TUSC3: variants seen among roughly 807,000 people sequenced by gnomAD.
TUSC3 encodes the protein dolichyl-diphosphooligosaccharide--protein glycosyltransferase subunit TUSC3.
Under a neutral mutation model 44.8 loss-of-function variants are expected in TUSC3, and 45 were observed. The observed-to-expected ratio is 1.00, with a 90% CI of 0.79 to 1.29. The LOEUF is 1.29. TUSC3 is among the 50% of genes most tolerant of loss of function. TUSC3 has a pLI of 0.00. For missense variants in TUSC3, 519 were observed against 437.9 expected (o/e 1.19, Z -1.65); for synonymous variants, 212 against 152.9 (o/e 1.39, Z -2.85).
chr8:15,809,796 C>A, the TUSC3 span, among the ~76,000 whole-genome samples: 429 of 152,296 alleles, frequency 2.8e-3, 11 homozygotes, highest in East Asian at 0.075. Context: ...TATTACTTAA[C>A]AGTTCTCAAC....
chr8:15,729,513 C>A (rs1334345157), intron 6 of TUSC3, among the ~76,000 whole-genome samples: 1 of 152,122 alleles, frequency 6.6e-6, no homozygotes, highest in Non-Finnish European at 1.5e-5. Context: ...GGTACATATA[C>A]ACCATGGAAT....
At chr8:15,513,460 A>G (rs1162717786) in intron 2 of TUSC3, among the ~76,000 whole-genome samples, 1 of 152,212 alleles carries the variant, frequency 6.6e-6, no homozygotes, top group South Asian at 2.1e-4. Context: ...GCAAAATCTA[A>G]TCTAATTTAA....
At chr8:15,795,713 G>C in the TUSC3 span, among the ~76,000 whole-genome samples, 1 of 152,248 alleles carries the variant, frequency 6.6e-6, no homozygotes, top group Non-Finnish European at 1.5e-5. Flanking sequence ...GCCCCAGGTA[G>C]TACCCACATC....
intron 1 of TUSC3, among the ~76,000 whole-genome samples, chr8:15,578,259 A>G (rs1803191275): frequency 9.2e-6 from 1 of 108,916 alleles, no homozygotes; most frequent in East Asian, 2.6e-4. Context: ...GTCGTCTGCA[A>G]ACAGGGACAA....
At chr8:15,705,594 C>A (rs1809583537) in intron 6 of TUSC3, among the ~76,000 whole-genome samples, 1 of 152,084 alleles carries the variant, frequency 6.6e-6, no homozygotes, top group African/African-American at 2.4e-5. Flanking sequence ...TGATAGCTTG[C>A]TCTGATAAAA....
At chr8:15,460,371 G>T (rs1403201928) in intron 1 of TUSC3, among the ~76,000 whole-genome samples, 12 of 151,974 alleles carry the variant, frequency 7.9e-5, no homozygotes, top group Admixed American at 7.9e-4. Context: ...TATTAGCCCA[G>T]TTTTCTATGG....
the TUSC3 span, among the ~76,000 whole-genome samples, chr8:15,773,846 G>A: frequency 1.3e-5 from 2 of 152,126 alleles, no homozygotes; most frequent in Non-Finnish European, 2.9e-5. Context: ...ATTTCCACAT[G>A]CAAAACTAGG....
At chr8:15,839,282 T>C in the TUSC3 span, among the ~76,000 whole-genome samples, 5 of 152,142 alleles carry the variant, frequency 3.3e-5, no homozygotes, top group Non-Finnish European at 7.3e-5. Flanking sequence ...GTTTTCTAAA[T>C]ATACAATCAT....
chr8:15,687,241 A>G lies in TUSC3; in HGVS notation c.798+13405A>G, dbSNP rs112430074. On this transcript the variant is annotated intron_variant, in intron 6 of 10. Coordinates refer to ENST00000503731, the MANE Select transcript of TUSC3 (RefSeq NM_006765.4). The stretch of plus-strand genomic sequence containing the variant: ...ATTTGTTAGGTACTCTGTTTCCAGT[A>G]GTAGTACAGATACATCATGCAGCTC... 1.5e-4 allele frequency among the ~76,000 whole-genome samples: 23 copies of G among 152,134 alleles called. 1 individual carries two copies. Among genetic ancestry groups the G allele is most frequent in the African/African-American group, 5.1e-4 (21 of 41,422 alleles).
chr8:15,709,679 T>C (rs1014678238), intron 6 of TUSC3, among the ~76,000 whole-genome samples: 1 of 151,926 alleles, frequency 6.6e-6, no homozygotes, highest in Non-Finnish European at 1.5e-5. Flanking sequence ...GTATGTGTTA[T>C]CTCCTTTAGT....
chr8:15,641,782 C>A (rs974040475), intron 2 of TUSC3, among the ~76,000 whole-genome samples: 1 of 152,116 alleles, frequency 6.6e-6, no homozygotes, highest in Non-Finnish European at 1.5e-5. Context: ...TCTACTTGGC[C>A]ACATCATAAT....
chr8:15,462,388 G>A (rs1050881749), intron 1 of TUSC3, among the ~76,000 whole-genome samples: 1 of 151,910 alleles, frequency 6.6e-6, no homozygotes, highest in African/African-American at 2.4e-5. Flanking sequence ...ATATACAAAT[G>A]GCCAACTGCT....
At chr8:15,551,022 A>C (rs1178747024) in intron 1 of TUSC3, among the ~76,000 whole-genome samples, 1 of 151,784 alleles carries the variant, frequency 6.6e-6, no homozygotes, top group Non-Finnish European at 1.5e-5. Flanking sequence ...TGTGGATTCT[A>C]GTTCCTTTGA....
At chr8:15,730,215 A>G (rs905312136) in intron 6 of TUSC3, among the ~76,000 whole-genome samples, 4 of 152,164 alleles carry the variant, frequency 2.6e-5, no homozygotes, top group African/African-American at 7.2e-5. Flanking sequence ...TTTAAATGCT[A>G]TAATGAATTA....
At chr8:15,669,673 G>C (rs1419315196) in intron 5 of TUSC3, among the ~76,000 whole-genome samples, 2 of 151,730 alleles carry the variant, frequency 1.3e-5, no homozygotes, top group East Asian at 1.9e-4. Flanking sequence ...GTTTATGTGG[G>C]AATAAGAGAA....
intron 9 of TUSC3, chr8:15,748,700 T>G: frequency 1.5e-6 from 1 of 657,786 alleles, no homozygotes; most frequent in South Asian, 1.4e-5. Flanking sequence ...ATACATATTT[T>G]TATATAACAA....
At chr8:15,830,470 T>G in the TUSC3 span, among the ~76,000 whole-genome samples, 1 of 152,162 alleles carries the variant, frequency 6.6e-6, no homozygotes, top group African/African-American at 2.4e-5. Context: ...GTATATTTAT[T>G]GCAGCACTAT....
chr8:15,431,594 A>G (rs1033173113), intron 1 of TUSC3, among the ~76,000 whole-genome samples: 1 of 151,574 alleles, frequency 6.6e-6, no homozygotes, highest in Non-Finnish European at 1.5e-5. Flanking sequence ...AGAGGTTTCT[A>G]TATATAGGAT....
At chr8:15,567,998 C>G (rs1330301916) in intron 1 of TUSC3, among the ~76,000 whole-genome samples, 1 of 152,134 alleles carries the variant, frequency 6.6e-6, no homozygotes, top group Non-Finnish European at 1.5e-5. Flanking sequence ...TAACAACCCC[C>G]TTTTCTATGG....
Sources: gnomAD v4.1 joint callset for allele counts (sites outside exome capture counted in the v4.1 genomes callset) on GRCh38, gnomAD v4.1.1 for gene constraint, MANE v1.5 for transcripts, NCBI Gene and HGNC (gene_info 2026-07-23, HGNC 2026-07-21) for gene names.